Variants in PCDH9 observed in about 807,000 individuals in gnomAD.
The protein encoded by PCDH9 is protocadherin 9.
PCDH9 carries 24 observed loss-of-function variants against 70.6 expected under a neutral mutation model. The ratio of observed to expected loss-of-function variants is 0.34; its 90% CI spans 0.25 to 0.48. PCDH9 has a LOEUF of 0.48. Among genes scored for constraint, PCDH9 ranks in the 20% least tolerant of loss-of-function variants. PCDH9 has a pLI of 0.99. For synonymous variants in PCDH9, 562 were observed against 558.5 expected (o/e 1.01, Z -0.09); for missense variants, 1,281 against 1,503.6 (o/e 0.85, Z 2.45).
intron 2 of PCDH9, among the ~76,000 whole-genome samples, chr13:67,120,291 C>G (rs1306010255): frequency 6.6e-6 from 1 of 151,848 alleles, no homozygotes. Context: ...TTGTTCTTCT[C>G]TGGGTCTACA....
At chr13:66,408,252 G>T (rs935419362) in intron 4 of PCDH9, among the ~76,000 whole-genome samples, 1 of 151,918 alleles carries the variant, frequency 6.6e-6, no homozygotes, top group Non-Finnish European at 1.5e-5. Context: ...TAGAGACGGG[G>T]TTTCACCTTG....
intron 4 of PCDH9, among the ~76,000 whole-genome samples, chr13:66,329,554 T>C (rs2138112593): frequency 6.6e-6 from 1 of 152,282 alleles, no homozygotes; most frequent in South Asian, 2.1e-4. Context: ...AAAGAGAATG[T>C]CCCCAGTTGA....
intron 4 of PCDH9, among the ~76,000 whole-genome samples, chr13:66,381,588 C>T (rs962494261): frequency 4.6e-5 from 7 of 152,076 alleles, no homozygotes; most frequent in Non-Finnish European, 8.8e-5. Context: ...TGCCCTAAAT[C>T]ATAAGCATAG....
chr13:66,699,308 A>T (rs1451514997), intron 3 of PCDH9, among the ~76,000 whole-genome samples: 1 of 152,052 alleles, frequency 6.6e-6, no homozygotes, highest in Non-Finnish European at 1.5e-5. Context: ...ACACACTAAC[A>T]CCTGGCATGT....
chr13:67,059,569 T>G (rs1350282264), intron 2 of PCDH9, among the ~76,000 whole-genome samples: 1 of 151,368 alleles, frequency 6.6e-6, no homozygotes, highest in South Asian at 2.1e-4. Context: ...AGAAGAAGTA[T>G]AGTCATGTGG....
chr13:66,663,902 C>T (rs1196792883), intron 3 of PCDH9, among the ~76,000 whole-genome samples: 1 of 152,148 alleles, frequency 6.6e-6, no homozygotes, highest in African/African-American at 2.4e-5. Context: ...CTCTGCACCC[C>T]ACAGTGCTCA....
chr13:66,418,435 A>G (rs555878652), intron 4 of PCDH9, among the ~76,000 whole-genome samples: 286 of 152,264 alleles, frequency 1.9e-3, no homozygotes, highest in African/African-American at 6.6e-3. Flanking sequence ...ATCAGGTAGC[A>G]TGATGCCTCC....
At chr13:66,469,589 G>A (rs771670627) in intron 4 of PCDH9, among the ~76,000 whole-genome samples, 8 of 151,998 alleles carry the variant, frequency 5.3e-5, no homozygotes, top group African/African-American at 1.5e-4. Flanking sequence ...AGCTATCCAC[G>A]ACCCAGTAGA....
At chr13:67,038,642 A>C (rs894979247) in intron 2 of PCDH9, among the ~76,000 whole-genome samples, 1 of 152,236 alleles carries the variant, frequency 6.6e-6, no homozygotes, top group African/African-American at 2.4e-5. Flanking sequence ...ACTCAAAAAC[A>C]CCTAGCCAGA....
chr13:66,658,324 T>C (rs2077960419), intron 3 of PCDH9, among the ~76,000 whole-genome samples: 1 of 152,154 alleles, frequency 6.6e-6, no homozygotes, highest in Non-Finnish European at 1.5e-5. Context: ...TAAAAACACA[T>C]TTATTTTAGG....
intron 2 of PCDH9, chr13:67,213,591 C>T (rs1202009383): frequency 6.6e-6 from 1 of 151,918 alleles, no homozygotes; most frequent in Non-Finnish European, 1.5e-5. Flanking sequence ...TATGTCCCTG[C>T]CCTGTTTGGT....
At chr13:66,611,951 C>T (rs377011168) in intron 4 of PCDH9, among the ~76,000 whole-genome samples, 2 of 152,218 alleles carry the variant, frequency 1.3e-5, no homozygotes, top group Non-Finnish European at 2.9e-5. Flanking sequence ...GTACTCTCTA[C>T]AGCAGTTCAC....
chr13:66,881,118 T>C (rs900135144), intron 3 of PCDH9, among the ~76,000 whole-genome samples: 3 of 152,238 alleles, frequency 2.0e-5, no homozygotes, highest in African/African-American at 7.2e-5. Context: ...CAGCCATCTA[T>C]GTAATAGTGA....
chr13:67,178,649 C>A (rs1233923346), intron 2 of PCDH9, among the ~76,000 whole-genome samples: 2 of 152,028 alleles, frequency 1.3e-5, no homozygotes, highest in Non-Finnish European at 2.9e-5. Context: ...CTTATTCACC[C>A]CAGGTCTCTG....
chr13:66,834,159 T>C (rs975440877), intron 3 of PCDH9, among the ~76,000 whole-genome samples: 11 of 145,744 alleles, frequency 7.5e-5, no homozygotes, highest in African/African-American at 2.7e-4. Context: ...CCTATGGTCT[T>C]TTTTTTTTTT....
chr13:66,520,576 T>G (rs574331455), intron 4 of PCDH9, among the ~76,000 whole-genome samples: 1 of 152,220 alleles, frequency 6.6e-6, no homozygotes, highest in Non-Finnish European at 1.5e-5. Context: ...GCCTTTAAAA[T>G]TAATCTATCG....
chr13:66,616,145 C>T (rs1042532554), intron 4 of PCDH9, among the ~76,000 whole-genome samples: 5 of 152,152 alleles, frequency 3.3e-5, no homozygotes, highest in African/African-American at 1.2e-4. Flanking sequence ...TACTTTCTGA[C>T]AGTCTAGGAG....
chr13:67,198,499 CAACA>C (rs1018036501), intron 2 of PCDH9, among the ~76,000 whole-genome samples: 24 of 151,954 alleles, frequency 1.6e-4, no homozygotes, highest in East Asian at 9.6e-4. Flanking sequence ...TCTTCCACCA[CAACA>C]AACAAACAGT....
chr13:67,218,895 G>A (rs1480650924), intron 2 of PCDH9: 1 of 151,988 alleles, frequency 6.6e-6, no homozygotes, highest in East Asian at 1.9e-4. Flanking sequence ...TTTAAAACGT[G>A]ATATGTGCTT....
Sources: gnomAD v4.1 joint callset for allele counts (sites outside exome capture counted in the v4.1 genomes callset) on GRCh38, gnomAD v4.1.1 for gene constraint, MANE v1.5 for transcripts, NCBI Gene and HGNC (gene_info 2026-07-23, HGNC 2026-07-21) for gene names.